PSMB10: variants seen among roughly 807,000 people sequenced by gnomAD.
The protein encoded by PSMB10 is proteasome 20S subunit beta 10.
In PSMB10, 29 loss-of-function variants were observed where a neutral mutation model predicts 29.8. The observed-to-expected ratio is 0.97, with a 90% CI of 0.73 to 1.33. The LOEUF (loss-of-function observed/expected upper bound fraction) is 1.33, where lower values mean the gene tolerates loss of function less well. Ranked by LOEUF, PSMB10 falls within the 40% of genes most tolerant of loss-of-function variation. The pLI, the probability that PSMB10 is intolerant of heterozygous loss-of-function variation, is 0.00. For missense variants in PSMB10, 327 were observed against 369.2 expected, an observed-to-expected ratio of 0.89 and a Z score of 0.94; for synonymous variants, 157 against 164.7, an observed-to-expected ratio of 0.95 and a Z score of 0.36.
rs1555499552 is a variant in PSMB10 at position 67,934,787 on chromosome 16, C to T, written c.710+10G>A. 1.2e-6 allele frequency: 2 copies of T among 1,612,656 alleles called. No homozygotes were observed. The highest frequency in any genetic ancestry group is 2.2e-5 in the East Asian group (1 of 44,840). On this transcript the variant is annotated intron_variant, in intron 7 of 7. Transcript: ENST00000358514. The surrounding 1 kb of genome is among the most constrained non-coding windows in gnomAD (Gnocchi z 4.3). Reference sequence around the variant, plus strand: ...ACACATCCCTGTGGTCCCCGATCTCCAGCTCTCACCTCTTCACGGGCTCTG... The same window carrying T: ...ACACATCCCTGTGGTCCCCGATCTCTAGCTCTCACCTCTTCACGGGCTCTG...
intron 6 of PSMB10, 98 bp from the exon 7 acceptor site, chr16:67,935,046 G>C: frequency 6.8e-7 from 1 of 1,475,004 alleles, no homozygotes; most frequent in South Asian, 1.3e-5. Flanking sequence ...ATCTGGTCTT[G>C]CCCTCCAAAC....
At chr16:67,936,510 G>A (rs1482720247) in intron 1 of PSMB10, 25 bp from the exon 2 acceptor site, 3 of 1,597,656 alleles carry the variant, frequency 1.9e-6, no homozygotes, top group Non-Finnish European at 2.6e-6. Flanking sequence ...GGGCGCCCAT[G>A]TTTCGGCTCT....
rs776846723 is a variant in PSMB10, at chr16:67,934,802, C to T, written c.705G>A (p.Val235=). Residue 235 remains valine (V), a synonymous_variant, in exon 7 of 8, where the codon GTG becomes GTA. Coordinates refer to ENST00000358514, the MANE Select transcript of PSMB10 (RefSeq NM_002801.4). The surrounding 1 kb of genome is among the most constrained non-coding windows in gnomAD (Gnocchi z 4.3). ...LRTLSSPTEP[V]KRSGRYHFVP... is the part of the protein sequence containing the mutation. Reference sequence around the variant, plus strand: ...CCCCGATCTCCAGCTCTCACCTCTTCACGGGCTCTGTGGGTGAGCTCAGTG... The same window carrying T: ...CCCCGATCTCCAGCTCTCACCTCTTTACGGGCTCTGTGGGTGAGCTCAGTG... 1.2e-5 allele frequency: 19 copies of T among 1,613,558 alleles called. No homozygotes were observed. The highest frequency in any genetic ancestry group is 2.2e-5 in the South Asian group (2 of 91,068).
intron 1 of PSMB10, 89 bp from the exon 2 acceptor site, chr16:67,936,574 C>A: frequency 6.9e-7 from 1 of 1,454,378 alleles, no homozygotes; most frequent in Admixed American, 2.2e-5. Flanking sequence ...CCCTCATCTT[C>A]CGGGGTAAGC....
intron 6 of PSMB10, 87 bp downstream of exon 6, chr16:67,935,333 C>G: frequency 6.4e-7 from 1 of 1,552,440 alleles, no homozygotes; most frequent in Non-Finnish European, 8.8e-7. Flanking sequence ...CCTTAGCCAC[C>G]CGCACTGGGC....
At chr16:67,935,178 C>T in intron 6 of PSMB10, 1 of 699,478 alleles carries the variant, frequency 1.4e-6, no homozygotes, top group African/African-American at 1.8e-5. Flanking sequence ...ACTGGTCCTT[C>T]TCTCCGCCCT....
chr16:67,935,115 C>T, intron 6 of PSMB10, 167 bp from the exon 7 acceptor site: 2 of 876,888 alleles, frequency 2.3e-6, no homozygotes, highest in Non-Finnish European at 3.4e-6. Flanking sequence ...CACCTGCTTC[C>T]ATCCCACCCC....
chr16:67,936,832 T>G lies in PSMB10; in HGVS notation c.-83A>C. On this transcript the variant is annotated 5_prime_UTR_variant, in exon 1 of 8. Coordinates refer to ENST00000358514, the MANE Select transcript of PSMB10 (RefSeq NM_002801.4). Reference sequence around the variant, plus strand: ...GGGCCAGTGAGCAGCTAAAAAGTCCTCTGCTAGGCTTCACGTCTGTACTTC... The same window carrying G: ...GGGCCAGTGAGCAGCTAAAAAGTCCGCTGCTAGGCTTCACGTCTGTACTTC... 1 of 1,174,828 alleles carries G rather than the reference T, an allele frequency of 8.5e-7. No individual in the cohort carries two copies. Among genetic ancestry groups the G allele is most frequent in the East Asian group, 2.6e-5 (1 of 38,966 alleles). The allele number at this position is 1,174,828 out of a possible 1,614,324, so 72.8% of individuals were successfully genotyped here. A position where few individuals can be genotyped will look rare whatever the true frequency, so the allele number is the denominator to read the frequency against.
At chr16:67,936,668 G>A (rs1409546682) in intron 1 of PSMB10, 26 bp downstream of exon 1, 1 of 1,546,472 alleles carries the variant, frequency 6.5e-7, no homozygotes, top group Middle Eastern at 1.7e-4. Context: ...GCTCAGGAGT[G>A]ACCGCCCCCC....
intron 4 of PSMB10, 50 bp downstream of exon 4, chr16:67,935,913 C>T: frequency 1.3e-6 from 2 of 1,585,162 alleles, no homozygotes; most frequent in Non-Finnish European, 1.7e-6. Context: ...TCCAATGGCC[C>T]CAACCCCGTA....
chr16:67,935,591 T>G lies in PSMB10; in HGVS notation c.490A>C (p.Thr164Pro). Residue 164 changes from threonine (T) to proline (P), a missense_variant, in exon 5 of 8, where the codon ACA (threonine) becomes CCA (proline). Thr to Pro is a conservative substitution (Grantham distance 38, BLOSUM62 -1). Coordinates refer to ENST00000358514, the MANE Select transcript of PSMB10 (RefSeq NM_002801.4). ...GGACAGAAGCGCTCACCCAGGGCTG[T>G]GAAGGGCAGACGGCTGTAGGAGCCA... ...PHGSYSRLPF[T>P]ALGSGQDAAL... The G allele has an allele frequency of 6.2e-7, 1 of 1,614,196 alleles. No individual in the cohort carries two copies. The highest frequency in any genetic ancestry group is 1.1e-5 in the South Asian group (1 of 91,092).
chr16:67,934,740 C>CT lies in PSMB10; in HGVS notation c.710+56dup, dbSNP rs1567405613. On this transcript the variant is annotated intron_variant, in intron 7 of 7. Coordinates refer to ENST00000358514, the MANE Select transcript of PSMB10 (RefSeq NM_002801.4). The surrounding 1 kb of genome is among the most constrained non-coding windows in gnomAD (Gnocchi z 4.3). Reference sequence around the variant, plus strand: ...TGGCCCATCCCCTTTTTGCAGCCCCCTATCTCCCCTGCTATAGCCCCACAC... The same window carrying CT: ...TGGCCCATCCCCTTTTTGCAGCCCCCTTATCTCCCCTGCTATAGCCCCACAC... The CT allele has an allele frequency of 6.2e-7, 1 of 1,610,340 alleles. No individual in the cohort carries two copies. The highest frequency in any genetic ancestry group is 1.3e-5 in the African/African-American group (1 of 74,974).
rs1176525007 is a variant in PSMB10, at chr16:67,935,485, G to A, written c.500-7C>T. On this transcript the variant is annotated splice_polypyrimidine_tract_variant and splice_region_variant and intron_variant, in intron 5 of 7. Transcript: ENST00000358514. ...GCCGCGTCCTGACCAGAGCCTGAAG[G>A]CAGGAGAAGCATCTGAAGTCAACCG... 1 of 1,613,942 alleles carries A rather than the reference G, an allele frequency of 6.2e-7. No homozygotes were observed. The highest frequency in any genetic ancestry group is 1.7e-5 in the Admixed American group (1 of 60,010).
chr16:67,934,953 G>A lies in PSMB10; in HGVS notation c.559-5C>T. On this transcript the variant is annotated splice_polypyrimidine_tract_variant and splice_region_variant and intron_variant, in intron 6 of 7. Coordinates refer to ENST00000358514, the MANE Select transcript of PSMB10 (RefSeq NM_002801.4). The surrounding 1 kb of genome is among the most constrained non-coding windows in gnomAD (Gnocchi z 4.3). ...CAGCCCCTGAGCAGCCTCCAGCTGC[G>A]GTGATGGGTGTGTGAGACCTAACGG... 8 of 1,609,504 alleles carry A rather than the reference G, an allele frequency of 5.0e-6. No homozygotes were observed. Among genetic ancestry groups the A allele is most frequent in the Non-Finnish European group, 6.8e-6 (8 of 1,179,752 alleles).
intron 6 of PSMB10, 107 bp from the exon 7 acceptor site, chr16:67,935,055 A>T: frequency 7.1e-7 from 1 of 1,417,840 alleles, no homozygotes; most frequent in South Asian, 1.3e-5. Context: ...TGCCCTCCAA[A>T]CCCCCACTGT....
intron 4 of PSMB10, 81 bp from the exon 5 acceptor site, chr16:67,935,778 C>T (rs1031034731): frequency 5.9e-6 from 9 of 1,518,792 alleles, no homozygotes; most frequent in African/African-American, 1.4e-5. Context: ...GTGCTATCCC[C>T]GCCCCTTCCT....
chr16:67,936,170 G>C (rs2058262958), intron 3 of PSMB10, 45 bp downstream of exon 3: 1 of 1,611,372 alleles, frequency 6.2e-7, no homozygotes, highest in Non-Finnish European at 8.5e-7. Context: ...GGGAACGAGG[G>C]GGCCGTTCTT....
rs780389173 is a variant in PSMB10, at chr16:67,935,534, C to T, written c.499+48G>A. ...CGCTGCGACGCCGTTTGGAGTGAGG[C>T]CAAGGTCACAGGGGCAGAGTTCGAG... On this transcript the variant is annotated intron_variant, in intron 5 of 7. Coordinates refer to ENST00000358514, the MANE Select transcript of PSMB10 (RefSeq NM_002801.4). The T allele has an allele frequency of 5.6e-6, 9 of 1,613,808 alleles. No individual in the cohort carries two copies. The African/African-American group carries it at 1.2e-4, about 22-fold the overall frequency.
chr16:67,935,766 A>G (rs1288493729), intron 4 of PSMB10, 69 bp from the exon 5 acceptor site: 3 of 1,544,370 alleles, frequency 1.9e-6, no homozygotes, highest in Non-Finnish European at 2.7e-6. Flanking sequence ...CCCAGCTCCT[A>G]GGTGCTATCC....
Sources: gnomAD v4.1 joint callset for allele counts on GRCh38, gnomAD v4.1.1 for gene constraint, Gnocchi (gnomAD v3.1) non-coding constraint, MANE v1.5 for transcripts, NCBI Gene and HGNC (gene_info 2026-07-23, HGNC 2026-07-21) for gene names.